Variants in RNF144B observed in about 807,000 individuals in gnomAD.
RNF144B encodes E3 ubiquitin-protein ligase RNF144B.
A neutral mutation model predicts 40.2 loss-of-function variants in RNF144B; 25 were observed. That is an observed-to-expected ratio of 0.62 (90% CI 0.45 to 0.87). RNF144B has a LOEUF of 0.87. RNF144B is among the 40% of genes least tolerant of loss of function. The pLI is 0.00. For missense variants in RNF144B, 365 were observed against 373.7 expected (o/e 0.98, Z 0.19); for synonymous variants, 145 against 136.3 (o/e 1.06, Z -0.44).
In RNF144B at chr6:18,468,622, G is replaced by A. The variant is rs532484069; in HGVS notation, c.*3555G>A. 7 of 152,240 alleles carry A rather than the reference G, an allele frequency of 4.6e-5. No homozygotes were observed. The highest frequency in any genetic ancestry group is 1.7e-4 in the African/African-American group (7 of 41,544). The allele number at this position is 152,240 out of a possible 1,614,324, so 9.4% of individuals were successfully genotyped here. On this transcript the variant is annotated 3_prime_UTR_variant, in exon 8 of 8. Transcript: ENST00000259939. ...AGACTTTTCTTTCTGTTCATGAATGGATGCCTTTATGTGATATAGAGTCAT... is the reference window on the plus strand; with the variant it reads ...AGACTTTTCTTTCTGTTCATGAATGAATGCCTTTATGTGATATAGAGTCAT...
chr6:18,439,465 C>A (rs375790695), intron 3 of RNF144B, among the ~76,000 whole-genome samples: 1 of 152,282 alleles, frequency 6.6e-6, no homozygotes, highest in African/African-American at 2.4e-5. Context: ...TTTGTAACTG[C>A]TCCCTTCAGC....
rs1759614414 is a variant in RNF144B, at chr6:18,468,212, G to A, written c.*3145G>A. 1 of 152,176 alleles carries A rather than the reference G, an allele frequency of 6.6e-6. No homozygotes were observed. Among genetic ancestry groups the A allele is most frequent in the African/African-American group, 2.4e-5 (1 of 41,424 alleles). 9.4% of individuals were successfully genotyped at this position (152,176 alleles called of 1,614,324 possible). ...ATTGTAACCTGGATGTTATAGCCCA[G>A]CATCTAGAAATCCTATGAAACGTAT... is the stretch of plus-strand genomic sequence containing the variant. On this transcript the variant is annotated 3_prime_UTR_variant, in exon 8 of 8. Transcript: ENST00000259939.
chr6:18,414,937 A>G lies in RNF144B; in HGVS notation c.166-12644A>G, dbSNP rs934235105. The stretch of plus-strand genomic sequence containing the variant: ...TTGGTATCTTCAGGATATTGGTTCC[A>G]AGCCCCTTCCCACTCCCCACCCCAA... On this transcript the variant is annotated intron_variant, in intron 2 of 7. Transcript: ENST00000259939. This position sits in a 1 kb window ranked among gnomAD's most constrained non-coding sequence, Gnocchi z 4.9. Among the ~76,000 whole-genome samples, 4 of 152,292 alleles carry G rather than the reference A, an allele frequency of 2.6e-5. No individual in the cohort carries two copies. Among genetic ancestry groups the G allele is most frequent in the African/African-American group, 9.6e-5 (4 of 41,566 alleles).
In RNF144B at chr6:18,459,334, C is replaced by T; in HGVS notation, c.537-273C>T. 6.6e-6 allele frequency among the ~76,000 whole-genome samples: 1 copy of T among 152,182 alleles called. No individual in the cohort carries two copies. On this transcript the variant is annotated intron_variant, in intron 5 of 7. Coordinates refer to ENST00000259939, the MANE Select transcript of RNF144B (RefSeq NM_182757.4). This position sits in a 1 kb window ranked among gnomAD's most constrained non-coding sequence, Gnocchi z 4.2. Reference sequence around the variant, plus strand: ...CCTTGCCATTCTTATTTAGGCAATGCATGCTTAGGGAATGAAATATTAATT... The same window carrying T: ...CCTTGCCATTCTTATTTAGGCAATGTATGCTTAGGGAATGAAATATTAATT...
intron 2 of RNF144B, among the ~76,000 whole-genome samples, chr6:18,420,216 T>C (rs1795230358): frequency 6.6e-6 from 1 of 152,124 alleles, no homozygotes; most frequent in African/African-American, 2.4e-5. Flanking sequence ...ATCTCTAATC[T>C]GAAAATCTAA....
Position 18,422,558 on chromosome 6 carries a change from T to C in RNF144B, c.166-5023T>C, listed in dbSNP as rs1038449934. Among the ~76,000 whole-genome samples, 2 of 152,054 alleles carry C rather than the reference T, an allele frequency of 1.3e-5. No individual in the cohort carries two copies. The highest frequency in any genetic ancestry group is 4.8e-5 in the African/African-American group (2 of 41,358). On this transcript the variant is annotated intron_variant, in intron 2 of 7. Coordinates refer to ENST00000259939, the MANE Select transcript of RNF144B (RefSeq NM_182757.4). The surrounding 1 kb of genome is among the most constrained non-coding windows in gnomAD (Gnocchi z 4.7). ...CTATGGATGAGAAAACCTAGGTCAATAGTTCACCAACTCACCTTCAAGCCA... is the reference window on the plus strand; with the variant it reads ...CTATGGATGAGAAAACCTAGGTCAACAGTTCACCAACTCACCTTCAAGCCA...
At chr6:18,394,096 C>T (rs898643158) in intron 1 of RNF144B, among the ~76,000 whole-genome samples, 8 of 152,144 alleles carry the variant, frequency 5.3e-5, no homozygotes, top group Non-Finnish European at 8.8e-5. Context: ...TCTTAGTCTC[C>T]TTAGTTGTGC....
At position 18,457,854 on chromosome 6, in the gene RNF144B, A is replaced by G. The variant is rs1759364539; in HGVS notation, c.536+495A>G. On this transcript the variant is annotated intron_variant, in intron 5 of 7. Coordinates refer to ENST00000259939, the MANE Select transcript of RNF144B (RefSeq NM_182757.4). The surrounding 1 kb of genome is among the most constrained non-coding windows in gnomAD (Gnocchi z 5.1). ...ACGTAGAAAGGAGGGTTCTCTCATGATATTTTATGCTCTGTAAAGGTTGAG... is the reference window on the plus strand; with the variant it reads ...ACGTAGAAAGGAGGGTTCTCTCATGGTATTTTATGCTCTGTAAAGGTTGAG... 6.6e-6 allele frequency among the ~76,000 whole-genome samples: 1 copy of G among 152,156 alleles called. No homozygotes were observed. The highest frequency in any genetic ancestry group is 2.4e-5 in the African/African-American group (1 of 41,432).
chr6:18,396,779 A>AGCTGATG (rs1794701712), intron 1 of RNF144B: 1 of 985,396 alleles, frequency 1.0e-6, no homozygotes, highest in Non-Finnish European at 1.2e-6. Flanking sequence ...TGGAGACGCA[A>AGCTGATG]GCTGATGACA....
intron 2 of RNF144B, among the ~76,000 whole-genome samples, chr6:18,403,827 C>A (rs1003115441): frequency 2.6e-5 from 4 of 152,062 alleles, no homozygotes; most frequent in Non-Finnish European, 5.9e-5. Flanking sequence ...CATGCTAGGT[C>A]AAAACACAGC....
chr6:18,422,926 T>A lies in RNF144B; in HGVS notation c.166-4655T>A, dbSNP rs573139889. On this transcript the variant is annotated intron_variant, in intron 2 of 7. Coordinates refer to ENST00000259939, the MANE Select transcript of RNF144B (RefSeq NM_182757.4). The surrounding 1 kb of genome is among the most constrained non-coding windows in gnomAD (Gnocchi z 4.7). ...GAGCCATAATTGTGCCACTGCACCCTGGGCAACAGAGCAAGACCCAGTCTC... is the reference window on the plus strand; with the variant it reads ...GAGCCATAATTGTGCCACTGCACCCAGGGCAACAGAGCAAGACCCAGTCTC... Among the ~76,000 whole-genome samples, 1 of 147,978 alleles carries A rather than the reference T, an allele frequency of 6.8e-6. No homozygotes were observed. The highest frequency in any genetic ancestry group is 1.5e-5 in the Non-Finnish European group (1 of 67,394).
At position 18,460,506 on chromosome 6, in the gene RNF144B, G is replaced by T. The variant is rs968665834; in HGVS notation, c.681+755G>T. On this transcript the variant is annotated intron_variant, in intron 6 of 7. Coordinates refer to ENST00000259939, the MANE Select transcript of RNF144B (RefSeq NM_182757.4). The surrounding 1 kb of genome is among the most constrained non-coding windows in gnomAD (Gnocchi z 4.4). ...TAGGCCATGATATCTTTGGGAGGTA[G>T]TTATTCTGCCTACCACTATTAGATT... Among the ~76,000 whole-genome samples the T allele has an allele frequency of 5.3e-5, 8 of 152,170 alleles. No homozygotes were observed. The highest frequency in any genetic ancestry group is 1.9e-4 in the African/African-American group (8 of 41,422).
At position 18,458,844 on chromosome 6, in the gene RNF144B, A is replaced by G. The variant is rs1011624113; in HGVS notation, c.537-763A>G. 3.9e-5 allele frequency among the ~76,000 whole-genome samples: 6 copies of G among 152,224 alleles called. No homozygotes were observed. The highest frequency in any genetic ancestry group is 1.4e-4 in the African/African-American group (6 of 41,462). ...TTACTCTGAATACCAGGAGTCAGAAAGGCTTCAATGAGCATTTCCTTTGTC... is the reference window on the plus strand; with the variant it reads ...TTACTCTGAATACCAGGAGTCAGAAGGGCTTCAATGAGCATTTCCTTTGTC... On this transcript the variant is annotated intron_variant, in intron 5 of 7. Transcript: ENST00000259939. This position sits in a 1 kb window ranked among gnomAD's most constrained non-coding sequence, Gnocchi z 4.8.
intron 1 of RNF144B, among the ~76,000 whole-genome samples, chr6:18,391,202 C>T (rs74528288): frequency 0.011 from 1,647 of 152,292 alleles, 35 homozygotes; most frequent in African/African-American, 0.038. Context: ...AATACCACTT[C>T]TCCTTGATTG....
In RNF144B at chr6:18,467,025, CAT is replaced by C. The variant is rs2307686; in HGVS notation, c.*1959_*1960del. ...AGAAAAAAACACTATCAGTGTAGTTCATGTTAGTATAATTATAGATTTACATA... is the reference window on the plus strand; with the variant it reads ...AGAAAAAAACACTATCAGTGTAGTTCGTTAGTATAATTATAGATTTACATA... On this transcript the variant is annotated 3_prime_UTR_variant, in exon 8 of 8. Coordinates refer to ENST00000259939, the MANE Select transcript of RNF144B (RefSeq NM_182757.4). 26,818 of 152,416 alleles carry C rather than the reference CAT, an allele frequency of 0.18. 2,570 individuals are homozygous for C. Among genetic ancestry groups the C allele is most frequent in the East Asian group, 0.24 (1,236 of 5,180 alleles). The allele number at this position is 152,416 out of a possible 1,614,324, so 9.4% of individuals were successfully genotyped here.
intron 2 of RNF144B, among the ~76,000 whole-genome samples, chr6:18,407,685 GA>G (rs1486978599): frequency 5.3e-5 from 8 of 152,154 alleles, no homozygotes; most frequent in African/African-American, 1.9e-4. Flanking sequence ...AAATTGGTTA[GA>G]ATCTAATTTT....
intron 2 of RNF144B, among the ~76,000 whole-genome samples, chr6:18,401,674 C>A (rs904405304): frequency 6.6e-6 from 1 of 152,198 alleles, no homozygotes. Context: ...ACTTCCCAGA[C>A]TTTAATTTGC....
intron 3 of RNF144B, 92 bp downstream of exon 3, chr6:18,427,777 A>G: frequency 1.2e-6 from 1 of 841,596 alleles, no homozygotes; most frequent in Middle Eastern, 2.7e-4. Context: ...CAGGGAGTCT[A>G]GCAAGAAAAT....
intron 4 of RNF144B, among the ~76,000 whole-genome samples, chr6:18,455,221 A>G (rs1036131316): frequency 2.0e-5 from 3 of 152,186 alleles, no homozygotes; most frequent in Non-Finnish European, 4.4e-5. Context: ...GGGTCTGAGC[A>G]TCTGTGAATT....
Sources: gnomAD v4.1 joint callset for allele counts (sites outside exome capture counted in the v4.1 genomes callset) on GRCh38, gnomAD v4.1.1 for gene constraint, Gnocchi (gnomAD v3.1) non-coding constraint, MANE v1.5 for transcripts, NCBI Gene and HGNC (gene_info 2026-07-23, HGNC 2026-07-21) for gene names.